GRID1: variants seen among roughly 807,000 people sequenced by gnomAD.
GRID1 encodes the protein glutamate ionotropic receptor delta type subunit 1.
A neutral mutation model predicts 98.0 loss-of-function variants in GRID1; 28 were observed. The ratio of observed to expected loss-of-function variants is 0.29; its 90% CI spans 0.21 to 0.39. GRID1 has a LOEUF of 0.39. Ranked by LOEUF, GRID1 falls within the 10% of genes least tolerant of loss-of-function variation. The pLI, the probability that GRID1 is intolerant of heterozygous loss-of-function variation, is 1.00. For missense variants in GRID1, 1,111 were observed against 1,340.5 expected (o/e 0.83, Z 2.67); for synonymous variants, 553 against 538.5 (o/e 1.03, Z -0.37).
intron 4 of GRID1, among the ~76,000 whole-genome samples, chr10:86,114,794 G>T (rs1364513197): frequency 6.6e-6 from 1 of 152,272 alleles, no homozygotes; most frequent in Non-Finnish European, 1.5e-5. Flanking sequence ...GCATTGGCAG[G>T]CTCCCACCTC....
chr10:86,275,016 G>A (rs1294787801), intron 2 of GRID1, among the ~76,000 whole-genome samples: 2 of 152,244 alleles, frequency 1.3e-5, no homozygotes, highest in Non-Finnish European at 2.9e-5. Flanking sequence ...CACAATGCCA[G>A]CCTGGCTAAG....
intron 12 of GRID1, among the ~76,000 whole-genome samples, chr10:85,705,878 A>G (rs1457555605): frequency 6.6e-6 from 1 of 152,246 alleles, no homozygotes; most frequent in Non-Finnish European, 1.5e-5. Flanking sequence ...TTATCCCAAT[A>G]GATGCAGAAA....
At chr10:85,830,502 A>G (rs1189068496) in intron 8 of GRID1, among the ~76,000 whole-genome samples, 2 of 151,738 alleles carry the variant, frequency 1.3e-5, no homozygotes, top group East Asian at 3.9e-4. Context: ...AAAAGAAACT[A>G]TCAACAGAGT....
At chr10:85,712,812 AAAC>A (rs1385294007) in intron 12 of GRID1, among the ~76,000 whole-genome samples, 3 of 151,800 alleles carry the variant, frequency 2.0e-5, no homozygotes, top group Admixed American at 6.6e-5. Context: ...CACATCCCTG[AAAC>A]AACAAGTAGA....
intron 4 of GRID1, among the ~76,000 whole-genome samples, chr10:86,030,997 A>G (rs1018259960): frequency 1.3e-5 from 2 of 151,964 alleles, no homozygotes; most frequent in Admixed American, 1.3e-4. Context: ...ACCTGATCAA[A>G]CCAATCTGTG....
intron 2 of GRID1, among the ~76,000 whole-genome samples, chr10:86,286,346 G>C (rs894717218): frequency 7.9e-5 from 12 of 152,102 alleles, no homozygotes; most frequent in African/African-American, 2.9e-4. Flanking sequence ...CAGGAAGGAC[G>C]CCTGAGGGAG....
chr10:85,717,403 T>C (rs1210648890), intron 12 of GRID1, among the ~76,000 whole-genome samples: 1 of 151,992 alleles, frequency 6.6e-6, no homozygotes, highest in Admixed American at 6.5e-5. Flanking sequence ...AAAAGGCTCT[T>C]CTTACATGGC....
At chr10:85,945,984 A>C (rs1232705226) in intron 4 of GRID1, among the ~76,000 whole-genome samples, 1 of 152,246 alleles carries the variant, frequency 6.6e-6, no homozygotes, top group African/African-American at 2.4e-5. Context: ...TTGTTAAAAC[A>C]TTGAAGGGAC....
chr10:85,706,807 A>G (rs1262873311), intron 12 of GRID1, among the ~76,000 whole-genome samples: 4 of 152,274 alleles, frequency 2.6e-5, no homozygotes, highest in African/African-American at 9.6e-5. Flanking sequence ...AAATAATGCC[A>G]CATATCTACA....
intron 5 of GRID1, among the ~76,000 whole-genome samples, chr10:85,882,219 T>C (rs1007643936): frequency 1.3e-5 from 2 of 152,190 alleles, no homozygotes; most frequent in African/African-American, 4.8e-5. Context: ...GTGTGGCGAT[T>C]CCTCAGGGAT....
intron 14 of GRID1, among the ~76,000 whole-genome samples, 170 bp downstream of exon 14, chr10:85,619,697 C>T (rs1842835363): frequency 6.6e-6 from 1 of 152,214 alleles, no homozygotes; most frequent in South Asian, 2.1e-4. Flanking sequence ...CATATACTTC[C>T]ACAGGGTCTG....
chr10:85,936,968 A>G lies in GRID1; in HGVS notation c.727-20729T>C, dbSNP rs192883735. ...TGTTTCCTAGATGTGGCCATTACCC[A>G]ATTTTACTGATGTGAACCAAGCCCA... On this transcript the variant is annotated intron_variant, in intron 4 of 15. Transcript: ENST00000327946. Among the ~76,000 whole-genome samples the G allele has an allele frequency of 5.4e-3, 830 of 152,312 alleles. 11 individuals are homozygous for G. The highest frequency in any genetic ancestry group is 0.019 in the African/African-American group (775 of 41,582).
chr10:85,799,669 C>G (rs1012341906), intron 8 of GRID1, among the ~76,000 whole-genome samples: 1 of 151,998 alleles, frequency 6.6e-6, no homozygotes, highest in African/African-American at 2.4e-5. Context: ...AAAAGCCAAT[C>G]TCATAGGAGT....
intron 2 of GRID1, among the ~76,000 whole-genome samples, chr10:86,274,644 T>A (rs960290393): frequency 6.6e-6 from 1 of 152,224 alleles, no homozygotes; most frequent in African/African-American, 2.4e-5. Context: ...GTAAGTTAGA[T>A]TCCTAGGTAT....
intron 4 of GRID1, among the ~76,000 whole-genome samples, chr10:85,948,228 A>G (rs1159079452): frequency 2.6e-5 from 4 of 152,260 alleles, no homozygotes; most frequent in African/African-American, 9.6e-5. Flanking sequence ...GGGGATAGAT[A>G]AGAACTCTCT....
chr10:85,692,918 A>G (rs1441188494), intron 12 of GRID1, among the ~76,000 whole-genome samples: 1 of 152,236 alleles, frequency 6.6e-6, no homozygotes, highest in Admixed American at 6.5e-5. Context: ...TGTAAAGGTA[A>G]GGCTGTAAAG....
chr10:85,713,422 A>G (rs1841603213), intron 12 of GRID1, among the ~76,000 whole-genome samples: 1 of 151,806 alleles, frequency 6.6e-6, no homozygotes, highest in African/African-American at 2.4e-5. Context: ...GAAACCTCCC[A>G]AGAAAGAAAA....
At chr10:85,633,051 A>G (rs1842993571) in intron 13 of GRID1, among the ~76,000 whole-genome samples, 1 of 152,148 alleles carries the variant, frequency 6.6e-6, no homozygotes. Context: ...AAAAGGACAT[A>G]ATCTTGTTCC....
chr10:86,207,623 A>C (rs1424780510), intron 2 of GRID1, among the ~76,000 whole-genome samples: 1 of 125,414 alleles, frequency 8.0e-6, no homozygotes, highest in Non-Finnish European at 1.7e-5. Flanking sequence ...AAGCAGATGC[A>C]GTTTCTTTTT....
Sources: allele counts gnomAD v4.1 joint callset (sites outside exome capture counted in the v4.1 genomes callset), GRCh38; gene constraint gnomAD v4.1.1; transcripts MANE v1.5; gene names NCBI Gene and HGNC (gene_info 2026-07-23, HGNC 2026-07-21).